Variants in WWOX observed in about 807,000 individuals in gnomAD.
The protein encoded by WWOX is WW domain-containing oxidoreductase.
A neutral mutation model predicts 46.2 loss-of-function variants in WWOX; 69 were observed. The ratio of observed to expected loss-of-function variants is 1.49; its 90% CI spans 1.23 to 1.82. The LOEUF (loss-of-function observed/expected upper bound fraction) is 1.82. Among genes scored for constraint, WWOX ranks in the 40% most tolerant of loss-of-function variants. The probability of loss-of-function intolerance (pLI) is 0.00; values close to 1 mark genes in which losing one functional copy is unlikely to be tolerated. For synonymous variants in WWOX, 359 were observed against 202.6 expected (o/e 1.77, Z -6.56); for missense variants, 919 against 542.6 (o/e 1.69, Z -6.89).
chr16:78,676,827 T>C (rs1324710567), intron 8 of WWOX, among the ~76,000 whole-genome samples: 2 of 152,230 alleles, frequency 1.3e-5, no homozygotes, highest in Admixed American at 1.3e-4. Flanking sequence ...TGATAGGACC[T>C]CAGGAAAAAT....
intron 8 of WWOX, among the ~76,000 whole-genome samples, chr16:78,987,432 A>G (rs1329283265): frequency 6.6e-6 from 1 of 152,118 alleles, no homozygotes; most frequent in East Asian, 1.9e-4. Context: ...CCTGCCACGT[A>G]TTTTGTCCTT....
chr16:78,393,720 T>A (rs1182974128), intron 6 of WWOX, among the ~76,000 whole-genome samples: 1 of 152,196 alleles, frequency 6.6e-6, no homozygotes, highest in East Asian at 1.9e-4. Flanking sequence ...CCAAACATTT[T>A]TAGAACTGCA....
At chr16:78,666,863 T>G (rs1194592686) in intron 8 of WWOX, among the ~76,000 whole-genome samples, 3 of 152,280 alleles carry the variant, frequency 2.0e-5, no homozygotes, top group African/African-American at 7.2e-5. Flanking sequence ...GAAGGCTTCC[T>G]AAGGAGGCTC....
intron 8 of WWOX, among the ~76,000 whole-genome samples, chr16:78,513,104 G>C (rs1202037414): frequency 3.3e-5 from 5 of 152,166 alleles, no homozygotes; most frequent in Non-Finnish European, 1.5e-5. Flanking sequence ...ATTCCAACTG[G>C]TTTGTATTTT....
intron 5 of WWOX, among the ~76,000 whole-genome samples, chr16:78,286,919 C>A (rs2079777148): frequency 6.6e-6 from 1 of 152,210 alleles, no homozygotes; most frequent in Non-Finnish European, 1.5e-5. Context: ...ATTTTAAAAT[C>A]AATTTTATAG....
chr16:78,577,386 C>T (rs1020462998), intron 8 of WWOX, among the ~76,000 whole-genome samples: 12 of 152,138 alleles, frequency 7.9e-5, no homozygotes, highest in African/African-American at 2.7e-4. Flanking sequence ...GAGCATTTGT[C>T]CCCTAAATTC....
At chr16:78,606,245 A>T (rs932413418) in intron 8 of WWOX, among the ~76,000 whole-genome samples, 2 of 152,208 alleles carry the variant, frequency 1.3e-5, no homozygotes, top group South Asian at 4.1e-4. Flanking sequence ...CTCTCTTTGT[A>T]GTCTCTTTTT....
intron 8 of WWOX, among the ~76,000 whole-genome samples, chr16:78,791,208 C>G (rs1049464192): frequency 6.6e-6 from 1 of 151,854 alleles, no homozygotes; most frequent in African/African-American, 2.4e-5. Context: ...CGTAAGGTGC[C>G]GGGACAGGGC....
intron 8 of WWOX, among the ~76,000 whole-genome samples, chr16:78,773,880 G>A (rs889408392): frequency 2.0e-5 from 3 of 152,138 alleles, no homozygotes; most frequent in Admixed American, 6.5e-5. Flanking sequence ...GGCATCATTC[G>A]CATACTTGTA....
At chr16:78,586,728 T>C (rs1389843509) in intron 8 of WWOX, among the ~76,000 whole-genome samples, 1 of 152,176 alleles carries the variant, frequency 6.6e-6, no homozygotes. Flanking sequence ...ATAGCCCTTA[T>C]GGTGAAAATG....
chr16:78,391,201 T>A (rs184866597), intron 6 of WWOX, among the ~76,000 whole-genome samples: 74 of 152,332 alleles, frequency 4.9e-4, no homozygotes, highest in Non-Finnish European at 9.1e-4. Context: ...GAGGTGAGGC[T>A]GCAAAGGAGG....
chr16:78,321,626 A>G (rs2080484583), intron 5 of WWOX, among the ~76,000 whole-genome samples: 1 of 151,914 alleles, frequency 6.6e-6, no homozygotes, highest in Non-Finnish European at 1.5e-5. Context: ...TTTATGTATT[A>G]TCTTATTACT....
rs138382504 is a variant in WWOX at position 78,931,085 on chromosome 16, G to A, written c.1057-280523G>A. On this transcript the variant is annotated intron_variant, in intron 8 of 8. Coordinates refer to ENST00000566780, the MANE Select transcript of WWOX (RefSeq NM_016373.4). ...TGTTTTACTTAGTGATGAGCATATG[G>A]TAAATAAGAATTTAATAGATTTTAG... is the stretch of plus-strand genomic sequence containing the variant. Among the ~76,000 whole-genome samples the A allele has an allele frequency of 2.4e-3, 372 of 152,242 alleles. 2 individuals are homozygous for A. The highest frequency in any genetic ancestry group is 8.1e-3 in the African/African-American group (337 of 41,540).
intron 5 of WWOX, among the ~76,000 whole-genome samples, chr16:78,261,772 G>GTATATATATA (rs1428611663): frequency 1.5e-5 from 2 of 129,992 alleles, no homozygotes; most frequent in Non-Finnish European, 3.3e-5. Flanking sequence ...ATCTATCTAT[G>GTATATATATA]TATCTATCTA....
intron 8 of WWOX, among the ~76,000 whole-genome samples, chr16:79,054,832 A>G (rs1229289558): frequency 1.3e-5 from 2 of 152,204 alleles, no homozygotes; most frequent in South Asian, 2.1e-4. Flanking sequence ...GTCTCAAAAC[A>G]AACAAAGAAA....
chr16:78,877,254 A>G (rs541006999), intron 8 of WWOX, among the ~76,000 whole-genome samples: 3 of 151,668 alleles, frequency 2.0e-5, no homozygotes, highest in African/African-American at 7.3e-5. Flanking sequence ...TAGGACACCA[A>G]ACCCTCTGTA....
At chr16:78,138,771 C>T (rs768778999) in intron 4 of WWOX, among the ~76,000 whole-genome samples, 1 of 152,162 alleles carries the variant, frequency 6.6e-6, no homozygotes, top group African/African-American at 2.4e-5. Context: ...CAGCACGCTG[C>T]GGGAGAGTCC....
At chr16:78,693,582 T>TC (rs1457225797) in intron 8 of WWOX, among the ~76,000 whole-genome samples, 1 of 152,186 alleles carries the variant, frequency 6.6e-6, no homozygotes, top group Admixed American at 6.5e-5. Flanking sequence ...GGGGCCCTCC[T>TC]CTAGGGCAGT....
rs558414811 is a variant in WWOX, at chr16:78,338,496, G to C, written c.517-48364G>C. 4.1e-5 allele frequency among the ~76,000 whole-genome samples: 5 copies of C among 121,400 alleles called. 1 individual carries two copies. In the South Asian group the frequency reaches 7.4e-4, roughly 18 times the overall value. 79.6% of individuals were successfully genotyped at this position (121,400 alleles called of 152,430 possible). ...TATTGTTATCTTTATGGAGTTAAGG[G>C]CACATAAAATATTCTTACAGAGAGA... On this transcript the variant is annotated intron_variant, in intron 5 of 8. Coordinates refer to ENST00000566780, the MANE Select transcript of WWOX (RefSeq NM_016373.4).
Sources: allele counts gnomAD v4.1 joint callset (sites outside exome capture counted in the v4.1 genomes callset), GRCh38; gene constraint gnomAD v4.1.1; transcripts MANE v1.5; gene names NCBI Gene and HGNC (gene_info 2026-07-23, HGNC 2026-07-21).